Variants in SMAD2 observed in about 807,000 individuals in gnomAD.
SMAD2 encodes the protein MAD homolog 2.
A neutral mutation model predicts 64.4 loss-of-function variants in SMAD2; 8 were observed. That is an observed-to-expected ratio of 0.12 (90% CI 0.07 to 0.22). SMAD2 has a LOEUF of 0.22. Among genes scored for constraint, SMAD2 ranks in the 10% least tolerant of loss-of-function variants. The probability of loss-of-function intolerance (pLI) is 1.00; values close to 1 mark genes in which losing one functional copy is unlikely to be tolerated. For missense variants in SMAD2, 289 were observed against 561.2 expected (o/e 0.51, Z 4.90); for synonymous variants, 203 against 195.8 (o/e 1.04, Z -0.31).
At chr18:47,875,918 A>G (rs1430492844) in intron 2 of SMAD2, among the ~76,000 whole-genome samples, 5 of 152,100 alleles carry the variant, frequency 3.3e-5, no homozygotes, top group Admixed American at 2.6e-4. Context: ...ATAACTGAGT[A>G]TAAATTTGTC....
intron 10 of SMAD2, among the ~76,000 whole-genome samples, chr18:47,843,085 C>A (rs1914129456): frequency 6.6e-6 from 1 of 152,146 alleles, no homozygotes. Context: ...CCCCACTGTA[C>A]CCTTTGGATT....
chr18:47,869,857 AC>A (rs1478217995), intron 3 of SMAD2, among the ~76,000 whole-genome samples: 2 of 152,182 alleles, frequency 1.3e-5, no homozygotes, highest in Admixed American at 1.3e-4. Flanking sequence ...AATGATAAAT[AC>A]CAACAATGAT....
intron 6 of SMAD2, among the ~76,000 whole-genome samples, chr18:47,863,941 T>G (rs192293263): frequency 1.3e-5 from 2 of 152,292 alleles, no homozygotes; most frequent in East Asian, 3.9e-4. Flanking sequence ...CAACATTTGT[T>G]ATTGTCCTTT....
chr18:47,842,972 G>A lies in SMAD2; in HGVS notation c.1281-1022C>T, dbSNP rs375576071. On this transcript the variant is annotated intron_variant, in intron 10 of 10. Coordinates refer to ENST00000262160, the MANE Select transcript of SMAD2 (RefSeq NM_005901.6). Reference sequence around the variant, plus strand: ...CAAACTAACAGCCCTTCAAATATGAGAAAAGCCCATTATCAACTCTTCATC... The same window carrying A: ...CAAACTAACAGCCCTTCAAATATGAAAAAAGCCCATTATCAACTCTTCATC... 2.0e-5 allele frequency among the ~76,000 whole-genome samples: 3 copies of A among 152,128 alleles called. No homozygotes were observed. In the East Asian group the frequency reaches 5.8e-4, roughly 29 times the overall value.
chr18:47,918,090 A>G (rs970235662), intron 1 of SMAD2, among the ~76,000 whole-genome samples: 6 of 152,204 alleles, frequency 3.9e-5, no homozygotes, highest in African/African-American at 1.4e-4. Context: ...AGGGGAAGGA[A>G]TAATAGGTAG....
rs1190545118 is a variant in SMAD2, at chr18:47,830,392, C to T, written c.*11435G>A. On this transcript the variant is annotated 3_prime_UTR_variant, in exon 11 of 11. Transcript: ENST00000262160. ...AGGAGTTCAAGACCAGCCTGGCAAA[C>T]ATGGTGAAACCCTGTCTCCACTAAA... The T allele has an allele frequency of 2.0e-5, 3 of 151,982 alleles. No individual in the cohort carries two copies. Among genetic ancestry groups the T allele is most frequent in the African/African-American group, 7.3e-5 (3 of 41,334 alleles). 9.4% of individuals were successfully genotyped at this position (151,982 alleles called of 1,614,324 possible).
At chr18:47,872,183 T>A (rs1366890114) in intron 2 of SMAD2, among the ~76,000 whole-genome samples, 1 of 152,218 alleles carries the variant, frequency 6.6e-6, no homozygotes, top group Non-Finnish European at 1.5e-5. Flanking sequence ...AGGGTATATT[T>A]AAGCCTCAGT....
chr18:47,861,083 C>T (rs1487981811), intron 6 of SMAD2, among the ~76,000 whole-genome samples: 2 of 152,138 alleles, frequency 1.3e-5, no homozygotes, highest in African/African-American at 4.8e-5. Flanking sequence ...CAGCCGGGCA[C>T]AGTGGCTCAC....
chr18:47,881,718 T>C (rs1023972705), intron 2 of SMAD2, among the ~76,000 whole-genome samples: 3 of 152,220 alleles, frequency 2.0e-5, no homozygotes, highest in African/African-American at 7.2e-5. Context: ...TTAGTGTTTC[T>C]TAAATACCTT....
In SMAD2 at chr18:47,821,762, T is replaced by A. The variant is rs1182332224; in HGVS notation, c.*20065A>T. The A allele has an allele frequency of 6.6e-6, 1 of 152,208 alleles. No individual in the cohort carries two copies. The highest frequency in any genetic ancestry group is 1.5e-5 in the Non-Finnish European group (1 of 68,022). 9.4% of individuals were successfully genotyped at this position (152,208 alleles called of 1,614,324 possible). On this transcript the variant is annotated 3_prime_UTR_variant, in exon 11 of 11. Transcript: ENST00000262160. Reference sequence around the variant, plus strand: ...CAAGATAAATTCTTGTGTTTAAGTTTTTTTTTTGCTTGGGAAAAATGAAGC... The same window carrying A: ...CAAGATAAATTCTTGTGTTTAAGTTATTTTTTTGCTTGGGAAAAATGAAGC...
chr18:47,858,655 G>C (rs1373912631), intron 6 of SMAD2, among the ~76,000 whole-genome samples: 1 of 151,936 alleles, frequency 6.6e-6, no homozygotes, highest in Non-Finnish European at 1.5e-5. Context: ...AAACTAGAGT[G>C]GTGTAAAGTT....
intron 6 of SMAD2, among the ~76,000 whole-genome samples, chr18:47,862,611 A>G (rs935433009): frequency 3.3e-5 from 5 of 152,178 alleles, no homozygotes; most frequent in South Asian, 4.1e-4. Context: ...TTAAACAACT[A>G]CATTTACAAA....
chr18:47,919,684 A>G (rs79386511), intron 1 of SMAD2, among the ~76,000 whole-genome samples: 1,801 of 152,304 alleles, frequency 0.012, 17 homozygotes, highest in Middle Eastern at 0.041. Flanking sequence ...CCTTCTCTCC[A>G]AAGTGAACAC....
intron 1 of SMAD2, among the ~76,000 whole-genome samples, chr18:47,929,811 A>G (rs769026375): frequency 1.3e-5 from 2 of 152,224 alleles, no homozygotes; most frequent in Non-Finnish European, 2.9e-5. Context: ...GAAATACGAG[A>G]AATCACTTCG....
rs1315202231 is a variant in SMAD2 at position 47,877,159 on chromosome 18, G to GT, written c.237-6596dup. ...TTCATGATCTTCTTGCCTAAACAGTGTATTTTTTTTTTTTTTTAACAAATC... is the reference window on the plus strand; with the variant it reads ...TTCATGATCTTCTTGCCTAAACAGTGTTATTTTTTTTTTTTTTTAACAAATC... On this transcript the variant is annotated intron_variant, in intron 2 of 10. Coordinates refer to ENST00000262160, the MANE Select transcript of SMAD2 (RefSeq NM_005901.6). Among the ~76,000 whole-genome samples, 3 of 147,890 alleles carry GT rather than the reference G, an allele frequency of 2.0e-5. No homozygotes were observed. The Admixed American group carries it at 2.1e-4, about 10-fold the overall frequency.
rs1021072276 is a variant in SMAD2 at position 47,825,589 on chromosome 18, A to C, written c.*16238T>G. On this transcript the variant is annotated 3_prime_UTR_variant, in exon 11 of 11. Transcript: ENST00000262160. ...GCCTGTAGAACTGTGAGCATCCTTC[A>C]TAAGTGACCCTGCCTCAGCTATCCT... 6.6e-6 allele frequency: 1 copy of C among 152,452 alleles called. No individual in the cohort carries two copies. Among genetic ancestry groups the C allele is most frequent in the South Asian group, 2.1e-4 (1 of 4,838 alleles). The allele number at this position is 152,452 out of a possible 1,614,324, so 9.4% of individuals were successfully genotyped here. A position where few individuals can be genotyped will look rare whatever the true frequency, so the allele number is the denominator to read the frequency against.
rs563895804 is a variant in SMAD2 at position 47,897,123 on chromosome 18, A to AT, written c.-53-315dup. ...AACTCTTAGTAGTGTCAATTAAAAT[A>AT]TTTTCACAAAAGGTTCTCTTACTTT... On this transcript the variant is annotated intron_variant, in intron 1 of 10. Transcript: ENST00000262160. 4.1e-4 allele frequency among the ~76,000 whole-genome samples: 62 copies of AT among 152,282 alleles called. No individual in the cohort carries two copies. In the East Asian group the frequency reaches 0.012, roughly 28 times the overall value.
chr18:47,850,817 T>TTATA (rs1168364392), intron 7 of SMAD2, among the ~76,000 whole-genome samples: 2 of 8,844 alleles, frequency 2.3e-4, no homozygotes, highest in Non-Finnish European at 4.6e-4. Flanking sequence ...GTATAATATA[T>TTATA]TATATATTAT....
chr18:47,845,291 A>T (rs772061644), intron 10 of SMAD2, 49 bp downstream of exon 10: 1 of 1,537,032 alleles, frequency 6.5e-7, no homozygotes, highest in Non-Finnish European at 9.0e-7. Flanking sequence ...GAATGCAATG[A>T]AACATAATTA....
Sources: gnomAD v4.1 joint callset for allele counts (sites outside exome capture counted in the v4.1 genomes callset) on GRCh38, gnomAD v4.1.1 for gene constraint, MANE v1.5 for transcripts, NCBI Gene and HGNC (gene_info 2026-07-23, HGNC 2026-07-21) for gene names.